The following ZSCAN2 variants were observed in gnomAD, a reference collection of about 807,000 sequenced individuals.
ZSCAN2 encodes the protein zinc finger and SCAN domain containing 2, also known as zinc finger and SCAN domain-containing protein 2.
In ZSCAN2, 26 loss-of-function variants were observed where a neutral mutation model predicts 47.8. The observed-to-expected ratio is 0.54, with a 90% confidence interval of 0.40 to 0.75. ZSCAN2 has a LOEUF of 0.75. Among genes scored for constraint, ZSCAN2 ranks in the 30% least tolerant of loss-of-function variants. ZSCAN2 has a pLI of 0.00. For synonymous variants in ZSCAN2, 305 were observed against 288.7 expected (o/e 1.06, Z -0.57); for missense variants, 732 against 785.4 (o/e 0.93, Z 0.81).
In ZSCAN2 at chr15:84,613,678, CT is replaced by C. The variant is rs59871656; in HGVS notation, c.407-6910del. ...CCTCCAATTTTAGTCAGTAATCTTT[CT>C]TTTTTTTTTTTTTGAGATAGAATCT... On this transcript the variant is annotated intron_variant, in intron 2 of 2. Transcript: ENST00000546148. Among the ~76,000 whole-genome samples, 854 of 146,570 alleles carry C rather than the reference CT, an allele frequency of 5.8e-3. 4 individuals carry two copies. Among genetic ancestry groups the C allele is most frequent in the Middle Eastern group, 0.025 (7 of 282 alleles).
intron 2 of ZSCAN2, among the ~76,000 whole-genome samples, chr15:84,615,344 T>G (rs2141786877): frequency 6.6e-6 from 1 of 152,292 alleles, no homozygotes; most frequent in East Asian, 1.9e-4. Flanking sequence ...TCTATCTTTT[T>G]GTTTAAGATA....
chr15:84,620,611 T>A lies in ZSCAN2; in HGVS notation c.416T>A (p.Ile139Lys), dbSNP rs1470754783. The A allele has an allele frequency of 3.1e-6, 5 of 1,599,624 alleles. No individual in the cohort carries two copies. The Admixed American group carries it at 8.4e-5, about 27-fold the overall frequency. ...TTCTTCATTGTTTCAGATTTTGAGA[T>A]ACAGAGTGAAAATGGGGAGAACTGT... ...TQTLQDSDFE[I>K]QSENGENCNQ... The change falls in exon 3 of 3, where the codon ATA becomes AAA. Residue 139 changes from isoleucine to lysine, a missense_variant. Physicochemically the swap from Ile to Lys is moderately radical, Grantham distance 102. Around this residue, in one of 2 missense-constraint regions of ZSCAN2, gnomAD observed 320 missense variants for 287.4 expected, o/e 1.11. Transcript: ENST00000546148.
intron 2 of ZSCAN2, among the ~76,000 whole-genome samples, chr15:84,610,990 A>G (rs970169499): frequency 6.6e-6 from 1 of 152,212 alleles, no homozygotes; most frequent in Non-Finnish European, 1.5e-5. Context: ...ATGAAGAACT[A>G]AAAATTATGA....
At chr15:84,610,842 C>T (rs1409779907) in intron 2 of ZSCAN2, among the ~76,000 whole-genome samples, 4 of 152,258 alleles carry the variant, frequency 2.6e-5, no homozygotes, top group South Asian at 2.1e-4. Context: ...ACAGCATACA[C>T]ATTAGGAGGA....
intron 2 of ZSCAN2, among the ~76,000 whole-genome samples, chr15:84,607,772 G>A (rs959538399): frequency 6.6e-6 from 1 of 152,212 alleles, no homozygotes; most frequent in Non-Finnish European, 1.5e-5. Flanking sequence ...GCTTCCCAAA[G>A]TGCTGGGATT....
chr15:84,616,298 C>T (rs1486562274), intron 2 of ZSCAN2: 1 of 1,295,884 alleles, frequency 7.7e-7, no homozygotes. Flanking sequence ...CTTTCCTTCT[C>T]TGCTTTCCAG....
rs188017330 is a variant in ZSCAN2, at chr15:84,613,921, C to G, written c.407-6681C>G. Among the ~76,000 whole-genome samples the G allele has an allele frequency of 3.6e-3, 541 of 150,948 alleles. 12 individuals are homozygous for G. The highest frequency in any genetic ancestry group is 0.032 in the Admixed American group (488 of 15,110). On this transcript the variant is annotated intron_variant, in intron 2 of 2. Transcript: ENST00000546148. The stretch of plus-strand genomic sequence containing the variant: ...GGTCTTGAACTCCTGAGCTTGCGAT[C>G]CGCCCACCTCTGCCTCCCAAAGTGC...
chr15:84,614,162 G>GT (rs112700046), intron 2 of ZSCAN2, among the ~76,000 whole-genome samples: 24,009 of 147,760 alleles, frequency 0.16, 2,385 homozygotes, highest in East Asian at 0.37. Context: ...GGCTAATTCT[G>GT]TTTTTTTTTG....
intron 2 of ZSCAN2, chr15:84,606,529 C>G: frequency 1.2e-6 from 2 of 1,609,572 alleles, no homozygotes; most frequent in East Asian, 4.5e-5. Flanking sequence ...TATTTTACAG[C>G]TGTAGCTGTC....
intron 2 of ZSCAN2, chr15:84,611,609 G>A (rs1006555130): frequency 2.0e-5 from 3 of 152,190 alleles, no homozygotes; most frequent in African/African-American, 7.2e-5. Flanking sequence ...TTAGCTGGGA[G>A]TGATGGCAGG....
At chr15:84,601,312 C>G (rs1163891398) in intron 1 of ZSCAN2, 177 bp downstream of exon 1, 10 of 152,240 alleles carry the variant, frequency 6.6e-5, no homozygotes, top group Non-Finnish European at 1.5e-5. Flanking sequence ...GCTCAGCGAA[C>G]CGTCCCGGAC....
At position 84,623,381 on chromosome 15, in the gene ZSCAN2, C is replaced by A; in HGVS notation, c.*1341C>A. The A allele has an allele frequency of 5.2e-6, 1 of 193,776 alleles. No individual in the cohort carries two copies. The highest frequency in any genetic ancestry group is 2.4e-5 in the African/African-American group (1 of 41,794). The allele number at this position is 193,776 out of a possible 1,614,324, so 12.0% of individuals were successfully genotyped here. ...TGCTGGGATTACAGGCGTGAGCCAG[C>A]GCACCCGGCCAAGAACATTATTTTT... On this transcript the variant is annotated 3_prime_UTR_variant, in exon 3 of 3. Coordinates refer to ENST00000546148, the MANE Select transcript of ZSCAN2 (RefSeq NM_181877.4).
chr15:84,616,337 T>C lies in ZSCAN2; in HGVS notation c.407-4265T>C, dbSNP rs777591692. 16 of 1,573,524 alleles carry C rather than the reference T, an allele frequency of 1.0e-5. No individual in the cohort carries two copies. The African/African-American group carries it at 2.2e-4, about 21-fold the overall frequency. On this transcript the variant is annotated intron_variant, in intron 2 of 2. Coordinates refer to ENST00000546148, the MANE Select transcript of ZSCAN2 (RefSeq NM_181877.4). ...CAGCTTCCTGCGTACATGGCTGCCC[T>C]GTGTGATTCCAGTTGCAGCCTCACC...
intron 1 of ZSCAN2, among the ~76,000 whole-genome samples, chr15:84,602,502 T>C (rs1895236118): frequency 6.6e-6 from 1 of 152,054 alleles, no homozygotes; most frequent in South Asian, 2.1e-4. Flanking sequence ...CCCAGAAGGC[T>C]CCTTTGAGCC....
chr15:84,616,697 A>G (rs1000549252), intron 2 of ZSCAN2: 2 of 1,040,738 alleles, frequency 1.9e-6, no homozygotes, highest in African/African-American at 1.7e-5. Context: ...AATGTTACCT[A>G]TTCAATTACT....
intron 2 of ZSCAN2, chr15:84,616,246 A>G (rs1895689768): frequency 4.4e-6 from 4 of 910,456 alleles, no homozygotes; most frequent in South Asian, 4.0e-5. Flanking sequence ...CAAAAAAATA[A>G]ATAAATAAAT....
rs968751907 is a variant in ZSCAN2, at chr15:84,603,915, C to A, written c.-13C>A. ...CAAGGCTTGAAGCCTAAGTGATTGC[C>A]CCAGGACTGTGGATGATGGCTGCAG... On this transcript the variant is annotated 5_prime_UTR_variant, in exon 2 of 3. Transcript: ENST00000546148. The A allele has an allele frequency of 3.1e-6, 5 of 1,609,916 alleles. No individual in the cohort carries two copies. The African/African-American group carries it at 4.0e-5, about 13-fold the overall frequency.
At chr15:84,608,681 G>A (rs994898390) in intron 2 of ZSCAN2, among the ~76,000 whole-genome samples, 6 of 152,274 alleles carry the variant, frequency 3.9e-5, no homozygotes, top group Non-Finnish European at 7.3e-5. Flanking sequence ...TGGGGGCCTG[G>A]AGCCTACTCC....
At chr15:84,613,893 G>A (rs984134228) in intron 2 of ZSCAN2, among the ~76,000 whole-genome samples, 6 of 151,340 alleles carry the variant, frequency 4.0e-5, no homozygotes, top group African/African-American at 1.5e-4. Context: ...TGTTGGCCAG[G>A]CTGGTCTTGA....
Sources: gnomAD v4.1 joint callset for allele counts (sites outside exome capture counted in the v4.1 genomes callset) on GRCh38, gnomAD v4.1.1 for gene constraint, gnomAD v4.1.1 regional missense constraint, MANE v1.5 for transcripts, NCBI Gene and HGNC (gene_info 2026-07-23, HGNC 2026-07-21) for gene names.